The following DPYSL2 variants were observed in gnomAD, a reference collection of about 807,000 sequenced individuals.
The protein encoded by DPYSL2 is dihydropyrimidinase-related protein 2.
Under a neutral mutation model 69.9 loss-of-function variants are expected in DPYSL2, and 13 were observed. That is an observed-to-expected ratio of 0.19 (90% CI 0.12 to 0.30). The LOEUF is 0.30. Among genes scored for constraint, DPYSL2 ranks in the 10% least tolerant of loss-of-function variants. The probability of loss-of-function intolerance (pLI) is 1.00; values close to 1 mark genes in which losing one functional copy is unlikely to be tolerated. For synonymous variants in DPYSL2, 326 were observed against 359.1 expected (o/e 0.91, Z 1.04); for missense variants, 587 against 918.9 (o/e 0.64, Z 4.67).
chr8:26,515,161 G>T (rs1174125615), intron 1 of DPYSL2, among the ~76,000 whole-genome samples: 8 of 152,160 alleles, frequency 5.3e-5, no homozygotes, highest in Non-Finnish European at 1.5e-5. Context: ...TACAGCCTCC[G>T]CCCGCGCCTT....
chr8:26,628,649 G>GCTTCGA (rs1352876983), intron 7 of DPYSL2, among the ~76,000 whole-genome samples: 1 of 152,234 alleles, frequency 6.6e-6, no homozygotes, highest in African/African-American at 2.4e-5. Flanking sequence ...GCAGCCTGCA[G>GCTTCGA]CTTCGAGTGA....
intron 3 of DPYSL2, among the ~76,000 whole-genome samples, chr8:26,612,591 C>T (rs541168224): frequency 6.6e-6 from 1 of 152,330 alleles, no homozygotes; most frequent in East Asian, 1.9e-4. Flanking sequence ...GTGGCTCACG[C>T]CTGTAATCCC....
chr8:26,515,786 T>C (rs1046110346), intron 1 of DPYSL2, among the ~76,000 whole-genome samples: 2 of 152,250 alleles, frequency 1.3e-5, no homozygotes, highest in African/African-American at 2.4e-5. Flanking sequence ...AGTCAATCAA[T>C]GAATGATTGT....
intron 1 of DPYSL2, among the ~76,000 whole-genome samples, chr8:26,579,854 G>A (rs1563394880): frequency 1.4e-5 from 2 of 146,744 alleles, no homozygotes; most frequent in Non-Finnish European, 3.0e-5. Flanking sequence ...CTGTCTTCGT[G>A]AATGAACAAG....
intron 1 of DPYSL2, chr8:26,578,118 G>A (rs1249456522): frequency 1.3e-6 from 2 of 1,536,296 alleles, no homozygotes; most frequent in African/African-American, 1.4e-5. Context: ...CTAATAGCAA[G>A]ACCAGCGAAG....
chr8:26,589,651 A>G (rs1416572840), intron 3 of DPYSL2, among the ~76,000 whole-genome samples: 1 of 152,174 alleles, frequency 6.6e-6, no homozygotes, highest in African/African-American at 2.4e-5. Flanking sequence ...CCCTGTGGTC[A>G]GATCTGGTCA....
chr8:26,655,570 C>A, intron 13 of DPYSL2, 45 bp from the exon 14 acceptor site: 1 of 1,498,292 alleles, frequency 6.7e-7, no homozygotes, highest in Admixed American at 1.9e-5. Context: ...TCTTGTGTGA[C>A]TGTCCTGGCC....
At chr8:26,567,909 T>C (rs1246876804) in intron 1 of DPYSL2, among the ~76,000 whole-genome samples, 1 of 152,178 alleles carries the variant, frequency 6.6e-6, no homozygotes, top group Non-Finnish European at 1.5e-5. Flanking sequence ...AAAGTGGTCT[T>C]TTTACTATCC....
At chr8:26,584,307 C>T (rs1483452324) in intron 3 of DPYSL2, among the ~76,000 whole-genome samples, 3 of 152,174 alleles carry the variant, frequency 2.0e-5, no homozygotes, top group African/African-American at 7.2e-5. Context: ...CATTTGAAGT[C>T]ATCTTCAATG....
chr8:26,604,435 T>C (rs1276045632), intron 3 of DPYSL2, among the ~76,000 whole-genome samples: 2 of 152,142 alleles, frequency 1.3e-5, no homozygotes, highest in African/African-American at 4.8e-5. Context: ...CCTGGAAGGC[T>C]TCCTGGAGGA....
chr8:26,639,065 G>C (rs1010176963), intron 8 of DPYSL2, among the ~76,000 whole-genome samples: 15 of 152,166 alleles, frequency 9.9e-5, no homozygotes, highest in Non-Finnish European at 2.1e-4. Context: ...ATTAAACCCT[G>C]GGAACCTCAA....
chr8:26,644,099 G>C lies in DPYSL2; in HGVS notation c.1425+8G>C. On this transcript the variant is annotated splice_region_variant and intron_variant, in intron 10 of 13. Coordinates refer to ENST00000521913, the MANE Select transcript of DPYSL2 (RefSeq NM_001197293.3). The surrounding 1 kb of genome is among the most constrained non-coding windows in gnomAD (Gnocchi z 4.5). ...ATCTGGGACAAGGCTGTGGTAAGGA[G>C]CGATGGCCTCACTCCTTGGTGGCTC... 6.2e-7 allele frequency: 1 copy of C among 1,613,810 alleles called. No individual in the cohort carries two copies. The highest frequency in any genetic ancestry group is 8.5e-7 in the Non-Finnish European group (1 of 1,179,816).
intron 7 of DPYSL2, among the ~76,000 whole-genome samples, chr8:26,632,762 G>GTCCC (rs1802808115): frequency 6.6e-6 from 1 of 152,216 alleles, no homozygotes; most frequent in South Asian, 2.1e-4. Context: ...CATGCAAGAC[G>GTCCC]TCCCTGTCCC....
In DPYSL2 at chr8:26,626,515, A is replaced by G. The variant is rs1425225320; in HGVS notation, c.794-102A>G. 4.6e-5 allele frequency: 42 copies of G among 918,792 alleles called. No individual in the cohort carries two copies. Among genetic ancestry groups the G allele is most frequent in the Middle Eastern group, 2.3e-4 (1 of 4,388 alleles). The allele number at this position is 918,792 out of a possible 1,614,324, so 56.9% of individuals were successfully genotyped here. ...CACACACACACACACACACACACAC[A>G]CACACACGTACACACACAGACAGTA... is the stretch of plus-strand genomic sequence containing the variant. On this transcript the variant is annotated intron_variant, in intron 4 of 13. Transcript: ENST00000521913. This position sits in a 1 kb window ranked among gnomAD's most constrained non-coding sequence, Gnocchi z 4.3.
At chr8:26,622,530 C>G (rs1030838389) in intron 3 of DPYSL2, among the ~76,000 whole-genome samples, 4 of 150,178 alleles carry the variant, frequency 2.7e-5, no homozygotes, top group Non-Finnish European at 4.4e-5. Context: ...TGAGACAAGG[C>G]CTTGCTCTGT....
chr8:26,630,050 CAT>C (rs201336030), intron 7 of DPYSL2, among the ~76,000 whole-genome samples: 1 of 152,246 alleles, frequency 6.6e-6, no homozygotes, highest in Admixed American at 6.5e-5. Flanking sequence ...AGCATACGCA[CAT>C]GTGCACAGGC....
Position 26,587,782 on chromosome 8 carries a change from T to A in DPYSL2, c.628+3799T>A, listed in dbSNP as rs533195501. Among the ~76,000 whole-genome samples, 1 of 152,226 alleles carries A rather than the reference T, an allele frequency of 6.6e-6. No homozygotes were observed. Among genetic ancestry groups the A allele is most frequent in the African/African-American group, 2.4e-5 (1 of 41,540 alleles). On this transcript the variant is annotated intron_variant, in intron 3 of 13. Coordinates refer to ENST00000521913, the MANE Select transcript of DPYSL2 (RefSeq NM_001197293.3). The surrounding 1 kb of genome is among the most constrained non-coding windows in gnomAD (Gnocchi z 4.2). Reference sequence around the variant, plus strand: ...GGGGTTGCGGGGGCGGCCGCATTGCTGCTTGGGGAAAACCCTACGGACTTC... The same window carrying A: ...GGGGTTGCGGGGGCGGCCGCATTGCAGCTTGGGGAAAACCCTACGGACTTC...
chr8:26,652,355 T>C lies in DPYSL2; in HGVS notation c.1695T>C (p.His565=), dbSNP rs150919651. 3 of 1,614,128 alleles carry C rather than the reference T, an allele frequency of 1.9e-6. No individual in the cohort carries two copies. The Admixed American group carries it at 5.0e-5, about 27-fold the overall frequency. ...GKIVLEDGTL[H]VTEGSGRYIP... ...TTGTCCTGGAGGACGGCACCCTGCATGTCACCGAAGGCTCTGGACGCTACA... is the reference window on the plus strand; with the variant it reads ...TTGTCCTGGAGGACGGCACCCTGCACGTCACCGAAGGCTCTGGACGCTACA... Residue 565 remains histidine (H), a synonymous_variant, in exon 12 of 14, where the codon CAT becomes CAC. Coordinates refer to ENST00000521913, the MANE Select transcript of DPYSL2 (RefSeq NM_001197293.3). The surrounding 1 kb of genome is among the most constrained non-coding windows in gnomAD (Gnocchi z 6.3).
At chr8:26,515,474 C>A (rs1333919499) in intron 1 of DPYSL2, among the ~76,000 whole-genome samples, 1 of 152,178 alleles carries the variant, frequency 6.6e-6, no homozygotes, top group African/African-American at 2.4e-5. Context: ...GGGGAAAACC[C>A]CTCGCACTCG....
Sources: allele counts gnomAD v4.1 joint callset (sites outside exome capture counted in the v4.1 genomes callset), GRCh38; gene constraint gnomAD v4.1.1; non-coding constraint Gnocchi (gnomAD v3.1); transcripts MANE v1.5; gene names NCBI Gene and HGNC (gene_info 2026-07-23, HGNC 2026-07-21).